Variants in MTMR3 observed in about 807,000 individuals in gnomAD.
MTMR3 encodes myotubularin related protein 3.
Under a neutral mutation model 132.4 loss-of-function variants are expected in MTMR3, and 32 were observed. The observed-to-expected ratio is 0.24, with a 90% CI of 0.18 to 0.32. The LOEUF (loss-of-function observed/expected upper bound fraction) is 0.32. Among genes scored for constraint, MTMR3 ranks in the 10% least tolerant of loss-of-function variants. The probability of loss-of-function intolerance (pLI) is 1.00; values close to 1 mark genes in which losing one functional copy is unlikely to be tolerated. For synonymous variants in MTMR3, 556 were observed against 550.3 expected (o/e 1.01, Z -0.14); for missense variants, 1,216 against 1,489.6 (o/e 0.82, Z 3.02).
chr22:29,894,163 G>A (rs1465242375), intron 1 of MTMR3, among the ~76,000 whole-genome samples: 1 of 152,108 alleles, frequency 6.6e-6, no homozygotes, highest in Non-Finnish European at 1.5e-5. Context: ...CTATTTTAAA[G>A]TCTTTATTTT....
rs1195267856 is a variant in MTMR3, at chr22:29,970,974, A to T, written c.-84-2A>T. The T allele has an allele frequency of 7.8e-6, 2 of 256,024 alleles. No individual in the cohort carries two copies. Among genetic ancestry groups the T allele is most frequent in the Non-Finnish European group, 1.4e-5 (2 of 141,708 alleles). The allele number at this position is 256,024 out of a possible 1,614,324, so 15.9% of individuals were successfully genotyped here. A position where few individuals can be genotyped will look rare whatever the true frequency, so the allele number is the denominator to read the frequency against. ...CTTCCCCCTCTTCCCCCCCACCCCC[A>T]GACTTCACCATAAGGGAAAGAAGAG... On this transcript the variant is annotated splice_acceptor_variant, in intron 2 of 19. Coordinates refer to ENST00000401950, the MANE Select transcript of MTMR3 (RefSeq NM_021090.4). LOFTEE classifies it low-confidence loss of function (5UTR_SPLICE).
At chr22:29,948,989 T>C (rs961447214) in intron 1 of MTMR3, among the ~76,000 whole-genome samples, 8 of 151,742 alleles carry the variant, frequency 5.3e-5, no homozygotes, top group African/African-American at 1.9e-4. Context: ...TCCCAACTAC[T>C]CAGGAGGCTG....
rs1376084767 is a variant in MTMR3 at position 30,030,200 on chromosome 22, A to C, written c.*4399A>C. ...CTGCTATTGTTTTATTTACCATTTA[A>C]GGTCTTTTCTATTATATCTGAGTAA... On this transcript the variant is annotated 3_prime_UTR_variant, in exon 20 of 20. Coordinates refer to ENST00000401950, the MANE Select transcript of MTMR3 (RefSeq NM_021090.4). 1 of 152,318 alleles carries C rather than the reference A, an allele frequency of 6.6e-6. No individual in the cohort carries two copies. The highest frequency in any genetic ancestry group is 1.5e-5 in the Non-Finnish European group (1 of 68,022). The allele number at this position is 152,318 out of a possible 1,614,324, so 9.4% of individuals were successfully genotyped here.
chr22:29,976,046 A>T (rs1645713675), intron 3 of MTMR3, among the ~76,000 whole-genome samples: 1 of 151,602 alleles, frequency 6.6e-6, no homozygotes, highest in Non-Finnish European at 1.5e-5. Context: ...TGTAACATGC[A>T]TTGGTCATTA....
At chr22:29,893,091 A>G (rs1051856303) in intron 1 of MTMR3, among the ~76,000 whole-genome samples, 1 of 152,224 alleles carries the variant, frequency 6.6e-6, no homozygotes, top group Non-Finnish European at 1.5e-5. Context: ...GGTACAGAGT[A>G]AGCTGTCAAT....
intron 1 of MTMR3, among the ~76,000 whole-genome samples, chr22:29,894,200 G>A (rs2064850442): frequency 6.6e-6 from 1 of 152,106 alleles, no homozygotes; most frequent in South Asian, 2.1e-4. Flanking sequence ...GAAGGTTTAT[G>A]TCGCACTCAC....
chr22:29,927,293 A>G (rs2065535869), intron 1 of MTMR3, among the ~76,000 whole-genome samples: 1 of 152,188 alleles, frequency 6.6e-6, no homozygotes. Context: ...AGTGTGAGTT[A>G]TTCAGCTTTG....
At chr22:29,911,034 A>G (rs2065201640) in intron 1 of MTMR3, among the ~76,000 whole-genome samples, 1 of 152,188 alleles carries the variant, frequency 6.6e-6, no homozygotes, top group Non-Finnish European at 1.5e-5. Context: ...TAGAACATGC[A>G]CTGGATTTCT....
chr22:29,923,223 T>A (rs1405169778), intron 1 of MTMR3, among the ~76,000 whole-genome samples: 2 of 151,468 alleles, frequency 1.3e-5, no homozygotes, highest in Non-Finnish European at 2.9e-5. Flanking sequence ...TTGTAGTTTT[T>A]TTTTTTATTT....
intron 1 of MTMR3, among the ~76,000 whole-genome samples, chr22:29,919,969 A>G (rs1224475484): frequency 6.6e-6 from 1 of 152,176 alleles, no homozygotes; most frequent in Non-Finnish European, 1.5e-5. Flanking sequence ...GGTTCCCAGC[A>G]CTTTGGGAGG....
chr22:29,956,458 G>A (rs1316464274), intron 1 of MTMR3, among the ~76,000 whole-genome samples: 1 of 152,048 alleles, frequency 6.6e-6, no homozygotes, highest in Non-Finnish European at 1.5e-5. Context: ...TGTTCACCAG[G>A]CTGGTCTCTA....
intron 1 of MTMR3, among the ~76,000 whole-genome samples, chr22:29,923,774 C>A (rs888642692): frequency 6.6e-6 from 1 of 152,036 alleles, no homozygotes; most frequent in Non-Finnish European, 1.5e-5. Context: ...ACCTTAATTA[C>A]GTCTTACAGG....
chr22:29,913,285 T>G (rs1417105996), intron 1 of MTMR3, among the ~76,000 whole-genome samples: 7 of 152,152 alleles, frequency 4.6e-5, no homozygotes, highest in Admixed American at 4.6e-4. Context: ...GTTATACAGA[T>G]CTTCTTAATC....
intron 19 of MTMR3, chr22:30,023,453 G>A (rs199904622): frequency 8.1e-6 from 13 of 1,614,136 alleles, no homozygotes; most frequent in Non-Finnish European, 6.8e-6. Context: ...TCCCCTCCTT[G>A]CAGGGACACT....
chr22:30,016,767 T>C, intron 15 of MTMR3, 69 bp downstream of exon 15: 2 of 1,497,366 alleles, frequency 1.3e-6, no homozygotes, highest in Non-Finnish European at 9.0e-7. Flanking sequence ...TATGAGAGCC[T>C]TTTTGAGTAG....
chr22:29,920,155 A>C (rs2065381559), intron 1 of MTMR3, among the ~76,000 whole-genome samples: 1 of 151,716 alleles, frequency 6.6e-6, no homozygotes, highest in Non-Finnish European at 1.5e-5. Flanking sequence ...CAGAGGTTGC[A>C]GTTAGCTGAG....
At chr22:29,933,752 TAGG>T (rs1427406117) in intron 1 of MTMR3, among the ~76,000 whole-genome samples, 1 of 151,100 alleles carries the variant, frequency 6.6e-6, no homozygotes, top group Non-Finnish European at 1.5e-5. Flanking sequence ...TTTTTTTTTT[TAGG>T]AGACTGGGTC....
In MTMR3 at chr22:29,923,448, G is replaced by GC. The variant is rs564226965; in HGVS notation, c.-137-33586dup. ...CCAAACTCCTGGGCTTAAGTGATCT[G>GC]CCACCTTGGCCTCCCAAAGTGCTGG... On this transcript the variant is annotated intron_variant, in intron 1 of 19. Transcript: ENST00000401950. Among the ~76,000 whole-genome samples the GC allele has an allele frequency of 4.4e-3, 672 of 151,932 alleles. 6 individuals carry two copies. The highest frequency in any genetic ancestry group is 0.015 in the African/African-American group (635 of 41,424).
intron 9 of MTMR3, chr22:30,004,676 G>A (rs993831951): frequency 1.3e-5 from 2 of 152,204 alleles, no homozygotes; most frequent in African/African-American, 4.8e-5. Context: ...AGGTTTCCTG[G>A]AACTGGGCTC....
Sources: allele counts gnomAD v4.1 joint callset (sites outside exome capture counted in the v4.1 genomes callset), GRCh38; gene constraint gnomAD v4.1.1; transcripts MANE v1.5; gene names NCBI Gene and HGNC (gene_info 2026-07-23, HGNC 2026-07-21).